Variants in STK3 observed in about 807,000 individuals in gnomAD.
STK3 encodes the protein serine/threonine kinase 3.
Under a neutral mutation model 58.0 loss-of-function variants are expected in STK3, and 41 were observed. The observed-to-expected ratio is 0.71, with a 90% CI of 0.55 to 0.92. The LOEUF is 0.92. Among genes scored for constraint, STK3 ranks in the 40% least tolerant of loss-of-function variants. The pLI, the probability that STK3 is intolerant of heterozygous loss-of-function variation, is 0.00. For missense variants in STK3, 479 were observed against 602.7 expected (o/e 0.79, Z 2.15); for synonymous variants, 170 against 191.0 (o/e 0.89, Z 0.91).
At chr8:98,469,942 ATAAT>A (rs1423783627) in intron 10 of STK3, among the ~76,000 whole-genome samples, 1 of 152,172 alleles carries the variant, frequency 6.6e-6, no homozygotes, top group African/African-American at 2.4e-5. Flanking sequence ...TATCCACTGG[ATAAT>A]TATTCTGAAA....
At chr8:98,689,559 T>A (rs1824246341) in intron 6 of STK3, among the ~76,000 whole-genome samples, 2 of 152,090 alleles carry the variant, frequency 1.3e-5, no homozygotes, top group South Asian at 2.1e-4. Flanking sequence ...GGCAGAAGGA[T>A]CACTGGAGCT....
At chr8:98,910,707 T>C (rs1839095418) in intron 1 of STK3, among the ~76,000 whole-genome samples, 1 of 152,212 alleles carries the variant, frequency 6.6e-6, no homozygotes, top group Non-Finnish European at 1.5e-5. Flanking sequence ...TTGTGGGAGA[T>C]TGCAGTGTTA....
chr8:98,561,158 T>A (rs776518906), intron 8 of STK3, among the ~76,000 whole-genome samples: 1 of 152,132 alleles, frequency 6.6e-6, no homozygotes, highest in African/African-American at 2.4e-5. Context: ...ATATCAATGA[T>A]GTATCATTGA....
At chr8:98,527,243 T>A (rs1272314971) in intron 9 of STK3, among the ~76,000 whole-genome samples, 1 of 152,210 alleles carries the variant, frequency 6.6e-6, no homozygotes, top group Non-Finnish European at 1.5e-5. Context: ...AAGTAAATTT[T>A]AAAAACTCAG....
chr8:98,345,687 T>C, the STK3 span, among the ~76,000 whole-genome samples: 1 of 151,908 alleles, frequency 6.6e-6, no homozygotes, highest in Non-Finnish European at 1.5e-5. Flanking sequence ...ATGAGGAAAA[T>C]AATTAATCAG....
chr8:98,816,503 C>G (rs1834553344), intron 1 of STK3, among the ~76,000 whole-genome samples: 1 of 151,362 alleles, frequency 6.6e-6, no homozygotes, highest in African/African-American at 2.4e-5. Flanking sequence ...AGGGCAAGAT[C>G]CTGTCTCAAA....
At chr8:98,403,885 A>T (rs1817968579) in intron 3 of STK3, among the ~76,000 whole-genome samples, 1 of 152,234 alleles carries the variant, frequency 6.6e-6, no homozygotes, top group African/African-American at 2.4e-5. Context: ...CTCTAAAACA[A>T]GAGAAATGAC....
In STK3 at chr8:98,667,978, A is replaced by G. The variant is rs150030415; in HGVS notation, c.684+38489T>C. On this transcript the variant is annotated intron_variant, in intron 6 of 10. Transcript: ENST00000419617. Reference sequence around the variant, plus strand: ...ACCATATAAAAGTTAATCAATGCTTAAAAATACATTAGAGTATTAGACACT... The same window carrying G: ...ACCATATAAAAGTTAATCAATGCTTGAAAATACATTAGAGTATTAGACACT... Among the ~76,000 whole-genome samples the G allele has an allele frequency of 3.3e-3, 502 of 152,280 alleles. 1 individual carries two copies. Among genetic ancestry groups the G allele is most frequent in the African/African-American group, 0.012 (479 of 41,590 alleles).
At chr8:98,789,342 A>G (rs571673110) in intron 1 of STK3, among the ~76,000 whole-genome samples, 1 of 152,282 alleles carries the variant, frequency 6.6e-6, no homozygotes, top group South Asian at 2.1e-4. Context: ...GCCACACCTC[A>G]AGGACCTAGA....
rs546611371 is a variant in STK3 at position 98,584,919 on chromosome 8, G to T, written c.823-5130C>A. On this transcript the variant is annotated intron_variant, in intron 7 of 10. Coordinates refer to ENST00000419617, the MANE Select transcript of STK3 (RefSeq NM_006281.4). Reference sequence around the variant, plus strand: ...CTTCTTTTGAGAAGTGTCTGTTCATGTCCTTCGCCCACTTTTTGATGGGGT... The same window carrying T: ...CTTCTTTTGAGAAGTGTCTGTTCATTTCCTTCGCCCACTTTTTGATGGGGT... 1.8e-3 allele frequency among the ~76,000 whole-genome samples: 270 copies of T among 151,648 alleles called. 1 individual carries two copies. The highest frequency in any genetic ancestry group is 6.4e-3 in the African/African-American group (264 of 41,458).
At chr8:98,481,373 GAT>G (rs1464813177) in intron 10 of STK3, among the ~76,000 whole-genome samples, 1 of 152,070 alleles carries the variant, frequency 6.6e-6, no homozygotes, top group Non-Finnish European at 1.5e-5. Flanking sequence ...CAGATGAGTG[GAT>G]AAAGAAAATG....
intron 3 of STK3, among the ~76,000 whole-genome samples, chr8:98,766,357 A>G (rs577717958): frequency 8.5e-5 from 13 of 152,366 alleles, no homozygotes; most frequent in African/African-American, 3.1e-4. Context: ...TACATAAAAC[A>G]TGACTTCTTA....
intron 1 of STK3, among the ~76,000 whole-genome samples, chr8:98,934,194 G>C (rs1248423545): frequency 6.6e-6 from 1 of 152,158 alleles, no homozygotes; most frequent in African/African-American, 2.4e-5. Context: ...TCAGTACAGG[G>C]ACTTTTCCAC....
chr8:98,538,007 ATAAAG>A (rs1809919067), intron 9 of STK3, among the ~76,000 whole-genome samples: 1 of 152,170 alleles, frequency 6.6e-6, no homozygotes, highest in South Asian at 2.1e-4. Context: ...ATTTAAATAT[ATAAAG>A]TAATTTTTAA....
At chr8:98,624,361 T>C (rs992656120) in intron 6 of STK3, among the ~76,000 whole-genome samples, 5 of 152,154 alleles carry the variant, frequency 3.3e-5, no homozygotes, top group African/African-American at 1.2e-4. Context: ...ATAATAATGA[T>C]AGTTACATAG....
At chr8:98,815,143 AG>A (rs760404457) in intron 1 of STK3, among the ~76,000 whole-genome samples, 7 of 152,268 alleles carry the variant, frequency 4.6e-5, no homozygotes, top group Non-Finnish European at 8.8e-5. Flanking sequence ...CAGAGCAAAT[AG>A]GAAGAACATA....
chr8:98,547,257 C>A (rs1810772221), intron 9 of STK3, among the ~76,000 whole-genome samples: 1 of 152,144 alleles, frequency 6.6e-6, no homozygotes, highest in Non-Finnish European at 1.5e-5. Flanking sequence ...AGAGAAAATT[C>A]ATTTTTGCCT....
At chr8:98,696,166 T>C (rs1335107559) in intron 6 of STK3, among the ~76,000 whole-genome samples, 1 of 151,286 alleles carries the variant, frequency 6.6e-6, no homozygotes, top group East Asian at 1.9e-4. Context: ...CTGTCTGTTA[T>C]TGGTGTATAA....
At chr8:98,751,180 T>A (rs1342927573) in intron 3 of STK3, among the ~76,000 whole-genome samples, 4 of 152,204 alleles carry the variant, frequency 2.6e-5, no homozygotes, top group African/African-American at 9.6e-5. Context: ...AGCATTCCCC[T>A]TGAAAAGCGG....
Sources: gnomAD v4.1 joint callset for allele counts (sites outside exome capture counted in the v4.1 genomes callset) on GRCh38, gnomAD v4.1.1 for gene constraint, MANE v1.5 for transcripts, NCBI Gene and HGNC (gene_info 2026-07-23, HGNC 2026-07-21) for gene names.